The following AFAP1L2 variants were observed in gnomAD, a reference collection of about 807,000 sequenced individuals.
AFAP1L2 encodes the protein actin filament-associated protein 1-like 2.
A neutral mutation model predicts 99.3 loss-of-function variants in AFAP1L2; 46 were observed. That is an observed-to-expected ratio of 0.46 (90% CI 0.37 to 0.59). The LOEUF (loss-of-function observed/expected upper bound fraction) is 0.59. Among genes scored for constraint, AFAP1L2 ranks in the 20% least tolerant of loss-of-function variants. The pLI, the probability that AFAP1L2 is intolerant of heterozygous loss-of-function variation, is 0.00. For missense variants in AFAP1L2, 959 were observed against 1,034.9 expected (o/e 0.93, Z 1.01); for synonymous variants, 397 against 419.1 (o/e 0.95, Z 0.64).
At chr10:114,382,514 T>C (rs1050786564) in intron 1 of AFAP1L2, among the ~76,000 whole-genome samples, 4 of 151,700 alleles carry the variant, frequency 2.6e-5, no homozygotes, top group Non-Finnish European at 5.9e-5. Flanking sequence ...CAAACATACA[T>C]TAAGAGAAGA....
intron 4 of AFAP1L2, among the ~76,000 whole-genome samples, chr10:114,323,700 T>C (rs1234799520): frequency 6.6e-6 from 1 of 152,242 alleles, no homozygotes; most frequent in African/African-American, 2.4e-5. Flanking sequence ...TTCTAAATCC[T>C]ACACTTTTAC....
At chr10:114,359,523 C>T (rs1360788828) in intron 1 of AFAP1L2, among the ~76,000 whole-genome samples, 1 of 152,214 alleles carries the variant, frequency 6.6e-6, no homozygotes, top group East Asian at 1.9e-4. Flanking sequence ...AATGGATCAA[C>T]TTTCCCCGCA....
chr10:114,344,661 G>A (rs756736139), intron 1 of AFAP1L2, among the ~76,000 whole-genome samples: 32 of 152,180 alleles, frequency 2.1e-4, no homozygotes, highest in South Asian at 8.3e-4. Flanking sequence ...AGGGTGAGAA[G>A]AGAACTAATC....
intron 5 of AFAP1L2, among the ~76,000 whole-genome samples, chr10:114,318,009 A>C (rs1463123662): frequency 6.6e-6 from 1 of 152,236 alleles, no homozygotes; most frequent in Non-Finnish European, 1.5e-5. Context: ...TAAAACTCTG[A>C]AAACTAGTGT....
chr10:114,301,700 G>A (rs1056011686), intron 12 of AFAP1L2: 4 of 550,662 alleles, frequency 7.3e-6, no homozygotes, highest in Non-Finnish European at 1.3e-5. Flanking sequence ...AGCTTCCCTT[G>A]CCCATACGCC....
At chr10:114,317,508 T>C (rs1369980579) in intron 5 of AFAP1L2, among the ~76,000 whole-genome samples, 1 of 152,166 alleles carries the variant, frequency 6.6e-6, no homozygotes, top group Non-Finnish European at 1.5e-5. Context: ...AAAACACCCA[T>C]ACTCTTTGAT....
At position 114,295,010 on chromosome 10, in the gene AFAP1L2, C is replaced by G; in HGVS notation, c.*1032G>C. The G allele has an allele frequency of 2.3e-6, 2 of 859,510 alleles. No homozygotes were observed. The highest frequency in any genetic ancestry group is 2.7e-6 in the Non-Finnish European group (2 of 746,936). 53.2% of individuals were successfully genotyped at this position (859,510 alleles called of 1,614,324 possible). The stretch of plus-strand genomic sequence containing the variant: ...GAGATAATAGATGAAATGTTTCAAC[C>G]TGTGTTAAAAAAAAAAAAAAAAAAA... On this transcript the variant is annotated 3_prime_UTR_variant, in exon 19 of 19. Coordinates refer to ENST00000304129, the MANE Select transcript of AFAP1L2 (RefSeq NM_001001936.3).
At chr10:114,382,423 G>A (rs1027880286) in intron 1 of AFAP1L2, among the ~76,000 whole-genome samples, 1 of 152,110 alleles carries the variant, frequency 6.6e-6, no homozygotes, top group East Asian at 1.9e-4. Context: ...CATGGACATA[G>A]AGAATAGAGT....
chr10:114,291,389 C>A, downstream of AFAP1L2: 1 of 870,186 alleles, frequency 1.1e-6, no homozygotes, highest in Non-Finnish European at 1.7e-6. Flanking sequence ...GACCACTATT[C>A]TCACTGAGGG....
At chr10:114,300,789 A>T in intron 13 of AFAP1L2, 99 bp from the exon 14 acceptor site, 1 of 1,468,668 alleles carries the variant, frequency 6.8e-7, no homozygotes, top group Non-Finnish European at 9.1e-7. Context: ...TGCCCATCTC[A>T]CAGTGTTCCA....
intron 18 of AFAP1L2, 94 bp downstream of exon 18, chr10:114,296,884 C>T: frequency 1.2e-6 from 2 of 1,601,488 alleles, no homozygotes; most frequent in South Asian, 1.1e-5. Context: ...GAGCTGGTGC[C>T]AAAAGCCACA....
At chr10:114,296,828 T>C (rs1650441253) in intron 18 of AFAP1L2, 150 bp downstream of exon 18, 3 of 1,346,760 alleles carry the variant, frequency 2.2e-6, no homozygotes, top group Non-Finnish European at 3.1e-6. Context: ...GCTGAAGGCA[T>C]GGCAAAGCCA....
chr10:114,357,255 C>T (rs972122228), intron 1 of AFAP1L2, among the ~76,000 whole-genome samples: 1 of 152,194 alleles, frequency 6.6e-6, no homozygotes, highest in Admixed American at 6.5e-5. Context: ...CCTCCCTGCC[C>T]TGCCTATGCT....
At chr10:114,372,693 A>G (rs777459122) in intron 1 of AFAP1L2, among the ~76,000 whole-genome samples, 5 of 151,964 alleles carry the variant, frequency 3.3e-5, no homozygotes, top group Non-Finnish European at 7.4e-5. Context: ...GTACATATAT[A>G]AAGCAACAAT....
Position 114,331,816 on chromosome 10 carries a change from G to A in AFAP1L2, c.302C>T (p.Pro101Leu), listed in dbSNP as rs752327607. ...ACTGATGCTTACCATCTTGGGTGGC[G>A]GGAGGTCTGGAAGGCTCTTCTGAGG... ...SAPQKSLPDLPPPKMIPERKQ... is the reference protein window; with the variant it reads ...SAPQKSLPDLLPPKMIPERKQ... The change falls in exon 4 of 19, where the codon CCG (proline) becomes CTG (leucine). Residue 101 changes from proline (P) to leucine (L), a missense_variant. Transcript: ENST00000304129. The A allele has an allele frequency of 1.2e-5, 17 of 1,390,606 alleles. No individual in the cohort carries two copies. The Admixed American group carries it at 1.6e-4, about 13-fold the overall frequency. 86.1% of individuals were successfully genotyped at this position (1,390,606 alleles called of 1,614,324 possible).
At chr10:114,294,058 T>TATC (rs2039843370), downstream of AFAP1L2, among the ~76,000 whole-genome samples, 1 of 152,224 alleles carries the variant, frequency 6.6e-6, no homozygotes, top group African/African-American at 2.4e-5. Flanking sequence ...TTTTTTGTAT[T>TATC]ATCTGTTAAT....
At chr10:114,299,563 T>C in intron 15 of AFAP1L2, 148 bp from the exon 16 acceptor site, 1 of 845,058 alleles carries the variant, frequency 1.2e-6, no homozygotes, top group Non-Finnish European at 1.8e-6. Flanking sequence ...TCCCTCTACC[T>C]CTCTGAACTT....
chr10:114,382,471 C>T (rs985413310), intron 1 of AFAP1L2, among the ~76,000 whole-genome samples: 12 of 151,504 alleles, frequency 7.9e-5, no homozygotes, highest in South Asian at 2.1e-4. Context: ...GGTAGAAGAA[C>T]GGGAAGGACA....
chr10:114,396,576 G>A (rs1279661634), intron 1 of AFAP1L2, among the ~76,000 whole-genome samples: 1 of 152,136 alleles, frequency 6.6e-6, no homozygotes, highest in Non-Finnish European at 1.5e-5. Context: ...TAGACAAGCA[G>A]GACTGCCAAA....
Sources: gnomAD v4.1 joint callset for allele counts (sites outside exome capture counted in the v4.1 genomes callset) on GRCh38, gnomAD v4.1.1 for gene constraint, MANE v1.5 for transcripts, NCBI Gene and HGNC (gene_info 2026-07-23, HGNC 2026-07-21) for gene names.